ITSN1: variants seen among roughly 807,000 people sequenced by gnomAD.
ITSN1 encodes the protein intersectin-1.
ITSN1 carries 58 observed loss-of-function variants against 239.8 expected under a neutral mutation model. The observed-to-expected ratio is 0.24, with a 90% confidence interval of 0.20 to 0.30. ITSN1 has a LOEUF of 0.30. Ranked by LOEUF, ITSN1 falls within the 10% of genes least tolerant of loss-of-function variation. ITSN1 has a pLI of 1.00. For missense variants in ITSN1, 1,558 were observed against 2,103.3 expected (o/e 0.74, Z 5.07); for synonymous variants, 780 against 770.8 (o/e 1.01, Z -0.20).
At position 33,895,272 on chromosome 21, in the gene ITSN1, C is replaced by G. The variant is rs1986638409; in HGVS notation, c.*6972C>G. Reference sequence around the variant, plus strand: ...CAGGTGACCTGGAGGAGGCCCTGCTCCCCAGCAAGCGTTCTAGGAGTTACG... The same window carrying G: ...CAGGTGACCTGGAGGAGGCCCTGCTGCCCAGCAAGCGTTCTAGGAGTTACG... On this transcript the variant is annotated 3_prime_UTR_variant, in exon 40 of 40. Transcript: ENST00000381318. 1 of 152,208 alleles carries G rather than the reference C, an allele frequency of 6.6e-6. No homozygotes were observed. Among genetic ancestry groups the G allele is most frequent in the Non-Finnish European group, 1.5e-5 (1 of 68,058 alleles). 9.4% of individuals were successfully genotyped at this position (152,208 alleles called of 1,614,324 possible). A position where few individuals can be genotyped will look rare whatever the true frequency, so the allele number is the denominator to read the frequency against.
rs2073429744 is a variant in ITSN1, at chr21:33,818,435, G to A, written c.2896G>A (p.Val966Met). The A allele has an allele frequency of 1.2e-6, 2 of 1,614,152 alleles. No individual in the cohort carries two copies. The highest frequency in any genetic ancestry group is 1.7e-6 in the Non-Finnish European group (2 of 1,180,008). ...GAAGGGTTGGTTCCCCAAGTCTTAC[G>A]TGAAACTCATTTCAGGGCCCATAAG... ...GQKGWFPKSY[V>M]KLISGPIRKS... The change falls in exon 23 of 40, where the codon GTG becomes ATG. Residue 966 changes from valine (V) to methionine (M), a missense_variant. Val to Met is a conservative substitution (Grantham distance 21). Coordinates refer to ENST00000381318, the MANE Select transcript of ITSN1 (RefSeq NM_003024.3).
At chr21:33,683,989 G>A (rs933302281) in intron 1 of ITSN1, among the ~76,000 whole-genome samples, 1 of 152,102 alleles carries the variant, frequency 6.6e-6, no homozygotes, top group Non-Finnish European at 1.5e-5. Flanking sequence ...AGGAAAGGGG[G>A]AAAAAAGGAG....
chr21:33,798,264 ATT>A (rs200619178), intron 18 of ITSN1, among the ~76,000 whole-genome samples: 5 of 142,348 alleles, frequency 3.5e-5, no homozygotes, highest in Non-Finnish European at 3.1e-5. Context: ...TGCCCAGCTA[ATT>A]TTTTTTTTTT....
In ITSN1 at chr21:33,872,418, A is replaced by T. The variant is rs139147798; in HGVS notation, c.4174-2936A>T. ...GATATATTATAAAACCCTCAAAATG[A>T]TAATATGTATGAAATGGACATGGAA... On this transcript the variant is annotated intron_variant, in intron 33 of 39. Transcript: ENST00000381318. Among the ~76,000 whole-genome samples, 1,442 of 152,378 alleles carry T rather than the reference A, an allele frequency of 9.5e-3. 10 individuals carry two copies. The highest frequency in any genetic ancestry group is 0.027 in the Middle Eastern group (8 of 294).
At position 33,865,114 on chromosome 21, in the gene ITSN1, T is replaced by A. The variant is rs1156723759; in HGVS notation, c.3891-37T>A. The stretch of plus-strand genomic sequence containing the variant: ...TGTGCTGTGGTGCTGTCAGATAGCG[T>A]GAAAGCAGGGGGCTCACCTCCCGTG... On this transcript the variant is annotated intron_variant, in intron 31 of 39. Coordinates refer to ENST00000381318, the MANE Select transcript of ITSN1 (RefSeq NM_003024.3). This position sits in a 1 kb window ranked among gnomAD's most constrained non-coding sequence, Gnocchi z 4.4. 2.5e-6 allele frequency: 4 copies of A among 1,589,278 alleles called. No homozygotes were observed. The highest frequency in any genetic ancestry group is 1.7e-5 in the Admixed American group (1 of 58,484).
chr21:33,782,694 T>C (rs1408411970), intron 16 of ITSN1, among the ~76,000 whole-genome samples: 1 of 152,150 alleles, frequency 6.6e-6, no homozygotes, highest in African/African-American at 2.4e-5. Context: ...TCAGATTTGG[T>C]GTTTCTGATT....
chr21:33,763,461 G>A (rs2068508967), intron 9 of ITSN1, among the ~76,000 whole-genome samples: 1 of 152,016 alleles, frequency 6.6e-6, no homozygotes, highest in Non-Finnish European at 1.5e-5. Context: ...GTATACTGTA[G>A]GATGTTCAGT....
chr21:33,731,143 T>TA (rs2066159254), intron 4 of ITSN1, among the ~76,000 whole-genome samples: 1 of 152,238 alleles, frequency 6.6e-6, no homozygotes, highest in African/African-American at 2.4e-5. Context: ...GTCAAGTCCC[T>TA]AGAACCTCAT....
chr21:33,705,608 A>G (rs1175730060), intron 1 of ITSN1, among the ~76,000 whole-genome samples: 3 of 152,020 alleles, frequency 2.0e-5, no homozygotes, highest in South Asian at 2.1e-4. Flanking sequence ...TAGCCAGGAT[A>G]GTCTTGATCT....
At chr21:33,664,918 G>C (rs1220700846) in intron 1 of ITSN1, among the ~76,000 whole-genome samples, 4 of 148,548 alleles carry the variant, frequency 2.7e-5, no homozygotes, top group Admixed American at 6.8e-5. Flanking sequence ...AGAGATGAGA[G>C]GAAAAGATGC....
chr21:33,644,458 T>C (rs756709064), intron 1 of ITSN1, among the ~76,000 whole-genome samples: 5 of 152,170 alleles, frequency 3.3e-5, no homozygotes, highest in Non-Finnish European at 7.3e-5. Context: ...TATCTAGGAA[T>C]GCTTCTGTTG....
At chr21:33,787,243 C>T (rs922863333) in intron 16 of ITSN1, among the ~76,000 whole-genome samples, 6 of 152,094 alleles carry the variant, frequency 3.9e-5, no homozygotes, top group Admixed American at 6.5e-5. Context: ...AATGTGAAAG[C>T]GCTCAGTTGT....
At position 33,894,453 on chromosome 21, in the gene ITSN1, A is replaced by G. The variant is rs1986571776; in HGVS notation, c.*6153A>G. On this transcript the variant is annotated 3_prime_UTR_variant, in exon 40 of 40. Transcript: ENST00000381318. ...TCTGTTCGATTTTCTATACCAGCCTATATTGTTACTATCATCTGCCTAGTA... is the reference window on the plus strand; with the variant it reads ...TCTGTTCGATTTTCTATACCAGCCTGTATTGTTACTATCATCTGCCTAGTA... The G allele has an allele frequency of 1.3e-5, 2 of 152,016 alleles. No homozygotes were observed. The highest frequency in any genetic ancestry group is 4.2e-4 in the South Asian group (2 of 4,816). The allele number at this position is 152,016 out of a possible 1,614,324, so 9.4% of individuals were successfully genotyped here.
chr21:33,760,526 A>G (rs1457515510), intron 8 of ITSN1, among the ~76,000 whole-genome samples: 5 of 152,188 alleles, frequency 3.3e-5, no homozygotes, highest in Non-Finnish European at 7.3e-5. Flanking sequence ...AGCACCTCTC[A>G]TGTGCTAATG....
intron 1 of ITSN1, among the ~76,000 whole-genome samples, chr21:33,662,758 A>T (rs1261891420): frequency 6.6e-6 from 1 of 152,170 alleles, no homozygotes; most frequent in East Asian, 1.9e-4. Flanking sequence ...ACTGCCCCTC[A>T]TGTCACACAT....
intron 32 of ITSN1, 102 bp from the exon 33 acceptor site, chr21:33,867,131 A>C: frequency 2.8e-6 from 2 of 713,496 alleles, no homozygotes; most frequent in Non-Finnish European, 5.0e-6. Flanking sequence ...CATCCAGATA[A>C]ATGAGATAAT....
intron 5 of ITSN1, among the ~76,000 whole-genome samples, chr21:33,736,159 TGGG>T (rs1340504068): frequency 1.3e-5 from 2 of 152,236 alleles, no homozygotes; most frequent in Non-Finnish European, 2.9e-5. Flanking sequence ...ATCTGATTCA[TGGG>T]GAGGTTCTTT....
At chr21:33,805,781 C>G (rs1415748184) in intron 20 of ITSN1, among the ~76,000 whole-genome samples, 1 of 151,594 alleles carries the variant, frequency 6.6e-6, no homozygotes, top group Non-Finnish European at 1.5e-5. Flanking sequence ...ACGCCATTCT[C>G]CTGCCTCAGC....
intron 24 of ITSN1, among the ~76,000 whole-genome samples, chr21:33,823,049 A>G (rs1379723748): frequency 6.6e-6 from 1 of 152,244 alleles, no homozygotes; most frequent in East Asian, 1.9e-4. Context: ...CAAAACTGAA[A>G]TACACATATT....
Sources: gnomAD v4.1 joint callset for allele counts (sites outside exome capture counted in the v4.1 genomes callset) on GRCh38, gnomAD v4.1.1 for gene constraint, Gnocchi (gnomAD v3.1) non-coding constraint, MANE v1.5 for transcripts, NCBI Gene and HGNC (gene_info 2026-07-23, HGNC 2026-07-21) for gene names.